FGF7: variants seen among roughly 807,000 people sequenced by gnomAD.
FGF7 encodes the protein fibroblast growth factor 7.
Under a neutral mutation model 20.5 loss-of-function variants are expected in FGF7, and 6 were observed. The ratio of observed to expected loss-of-function variants is 0.29; its 90% CI spans 0.16 to 0.58. The LOEUF is 0.58. Among genes scored for constraint, FGF7 ranks in the 20% least tolerant of loss-of-function variants. The probability of loss-of-function intolerance (pLI) is 0.90; values close to 1 mark genes in which losing one functional copy is unlikely to be tolerated. For synonymous variants in FGF7, 64 were observed against 74.7 expected, an observed-to-expected ratio of 0.86 and a Z score of 0.74; for missense variants, 144 against 228.8, an observed-to-expected ratio of 0.63 and a Z score of 2.39.
chr15:49,441,048 A>G (rs558188558), intron 2 of FGF7, among the ~76,000 whole-genome samples: 1 of 151,902 alleles, frequency 6.6e-6, no homozygotes, highest in African/African-American at 2.4e-5. Context: ...TAACACTTAA[A>G]TACTTATGAA....
At chr15:49,462,376 A>T (rs2053880606) in intron 2 of FGF7, among the ~76,000 whole-genome samples, 2 of 152,180 alleles carry the variant, frequency 1.3e-5, no homozygotes, top group South Asian at 2.1e-4. Context: ...TTTTCGGATG[A>T]TATTTCTTAA....
At chr15:49,480,386 C>T (rs184071244) in intron 2 of FGF7, among the ~76,000 whole-genome samples, 1 of 152,024 alleles carries the variant, frequency 6.6e-6, no homozygotes, top group African/African-American at 2.4e-5. Context: ...CGGCTCATTG[C>T]AACCTCTGCC....
chr15:49,430,403 T>C (rs2050498901), intron 2 of FGF7, among the ~76,000 whole-genome samples: 1 of 151,796 alleles, frequency 6.6e-6, no homozygotes, highest in African/African-American at 2.4e-5. Context: ...ATCTCACCTC[T>C]CATGGCCACA....
At position 49,437,168 on chromosome 15, in the gene FGF7, T is replaced by C. The variant is rs150375638; in HGVS notation, c.286+12585T>C. Among the ~76,000 whole-genome samples the C allele has an allele frequency of 7.3e-5, 11 of 151,684 alleles. No individual in the cohort carries two copies. In the East Asian group the frequency reaches 1.9e-3, roughly 27 times the overall value. The stretch of plus-strand genomic sequence containing the variant: ...ATAATAATTATCCAGACACTACATA[T>C]ATTATATATTAAATTGTATATATAC... On this transcript the variant is annotated intron_variant, in intron 2 of 3. Coordinates refer to ENST00000267843, the MANE Select transcript of FGF7 (RefSeq NM_002009.4).
At chr15:49,478,168 T>C (rs2055538727) in intron 2 of FGF7, among the ~76,000 whole-genome samples, 1 of 152,182 alleles carries the variant, frequency 6.6e-6, no homozygotes, top group South Asian at 2.1e-4. Flanking sequence ...AAACATGCAG[T>C]ATTTAGTTTT....
intron 2 of FGF7, among the ~76,000 whole-genome samples, chr15:49,459,279 T>C (rs1350625791): frequency 1.3e-5 from 2 of 152,150 alleles, no homozygotes; most frequent in East Asian, 1.9e-4. Context: ...AGGCTCCCAA[T>C]AGGTTCTCTG....
Position 49,484,299 on chromosome 15 carries a change from T to C in FGF7, c.391-11T>C. On this transcript the variant is annotated splice_polypyrimidine_tract_variant and intron_variant, in intron 3 of 3. Transcript: ENST00000267843. ...TTTGGATAATGTCTGTTTGTTTGTT[T>C]GTTTTAACAGAAAGAATGCAATGAA... 24 of 1,576,650 alleles carry C rather than the reference T, an allele frequency of 1.5e-5. No homozygotes were observed. The highest frequency in any genetic ancestry group is 2.1e-5 in the Non-Finnish European group (24 of 1,165,654).
chr15:49,424,573 G>T lies in FGF7; in HGVS notation c.276G>T (p.Lys92Asn). 9 of 1,409,036 alleles carry T rather than the reference G, an allele frequency of 6.4e-6. No individual in the cohort carries two copies. Among genetic ancestry groups the T allele is most frequent in the Admixed American group, 3.8e-5 (2 of 52,510 alleles). 87.3% of individuals were successfully genotyped at this position (1,409,036 alleles called of 1,614,324 possible). Residue 92 changes from lysine to asparagine, a missense_variant, in exon 2 of 4, where the codon AAG becomes AAT. Physicochemically the swap from Lys to Asn is moderately conservative, Grantham distance 94. This residue lies in a region of FGF7 where 56 missense variants were observed against 125.4 expected (regional missense o/e 0.45). Coordinates refer to ENST00000267843, the MANE Select transcript of FGF7 (RefSeq NM_002009.4). ...RGKVKGTQEM[K>N]NNYNIMEIRT... Reference sequence around the variant, plus strand: ...AAGTAAAAGGGACCCAAGAGATGAAGAATAATTACAGTAAGTAATTTTAAG... The same window carrying T: ...AAGTAAAAGGGACCCAAGAGATGAATAATAATTACAGTAAGTAATTTTAAG...
At chr15:49,478,661 CT>C (rs2055595853) in intron 2 of FGF7, among the ~76,000 whole-genome samples, 1 of 152,056 alleles carries the variant, frequency 6.6e-6, no homozygotes, top group Admixed American at 6.5e-5. Context: ...ACTGCCTCCA[CT>C]TTTTTTCCAA....
intron 2 of FGF7, among the ~76,000 whole-genome samples, chr15:49,449,666 G>A (rs2052541599): frequency 6.6e-6 from 1 of 152,006 alleles, no homozygotes; most frequent in Non-Finnish European, 1.5e-5. Flanking sequence ...TCTTAAGCTT[G>A]TCCAGGTCCC....
intron 2 of FGF7, among the ~76,000 whole-genome samples, chr15:49,426,536 C>T (rs900544401): frequency 8.6e-5 from 13 of 151,842 alleles, no homozygotes; most frequent in African/African-American, 2.4e-4. Context: ...AACTGGAATA[C>T]ATTTGCATAT....
intron 2 of FGF7, among the ~76,000 whole-genome samples, chr15:49,461,279 G>A (rs1446122099): frequency 6.6e-6 from 1 of 152,150 alleles, no homozygotes; most frequent in African/African-American, 2.4e-5. Flanking sequence ...CTCAAAGATA[G>A]AGAGCTAACA....
intron 2 of FGF7, among the ~76,000 whole-genome samples, chr15:49,455,702 G>GT (rs1177214068): frequency 6.6e-6 from 1 of 152,132 alleles, no homozygotes; most frequent in African/African-American, 2.4e-5. Context: ...TGATTTTGGT[G>GT]TTTTAAACAT....
chr15:49,438,099 A>C (rs1325957212), intron 2 of FGF7, among the ~76,000 whole-genome samples: 1 of 151,664 alleles, frequency 6.6e-6, no homozygotes, highest in East Asian at 1.9e-4. Context: ...TTAGTGTTTC[A>C]GGAGTACCAA....
At chr15:49,460,844 A>G (rs905507603) in intron 2 of FGF7, among the ~76,000 whole-genome samples, 4 of 152,122 alleles carry the variant, frequency 2.6e-5, no homozygotes, top group African/African-American at 9.7e-5. Flanking sequence ...AAAGAAGAAC[A>G]TTGTTTGTTT....
chr15:49,439,125 A>G (rs1485773428), intron 2 of FGF7, among the ~76,000 whole-genome samples: 1 of 151,590 alleles, frequency 6.6e-6, no homozygotes, highest in Non-Finnish European at 1.5e-5. Flanking sequence ...GATCTATATA[A>G]AGCATTCTCA....
intron 2 of FGF7, among the ~76,000 whole-genome samples, chr15:49,469,481 T>C (rs2054546796): frequency 6.6e-6 from 1 of 152,148 alleles, no homozygotes; most frequent in Admixed American, 6.5e-5. Context: ...CACTTGGCTT[T>C]TCATGGCACA....
intron 2 of FGF7, among the ~76,000 whole-genome samples, chr15:49,474,577 A>C (rs1208860307): frequency 1.3e-5 from 2 of 152,110 alleles, no homozygotes; most frequent in South Asian, 4.1e-4. Flanking sequence ...TTTAATAAAT[A>C]ATGTTGAAAA....
At chr15:49,434,303 T>G (rs1014595926) in intron 2 of FGF7, 1 of 151,618 alleles carries the variant, frequency 6.6e-6, no homozygotes, top group Non-Finnish European at 1.5e-5. Flanking sequence ...TTTTAATTAA[T>G]TCAACCAAGT....
Sources: allele counts gnomAD v4.1 joint callset (sites outside exome capture counted in the v4.1 genomes callset), GRCh38; gene constraint gnomAD v4.1.1; regional missense constraint gnomAD v4.1.1; transcripts MANE v1.5; gene names NCBI Gene and HGNC (gene_info 2026-07-23, HGNC 2026-07-21).